GABRA2: variants seen among roughly 807,000 people sequenced by gnomAD.
The protein encoded by GABRA2 is gamma-aminobutyric acid type A receptor subunit alpha2, also known as gamma-aminobutyric acid receptor subunit alpha-2.
Under a neutral mutation model 48.7 loss-of-function variants are expected in GABRA2, and 16 were observed. The ratio of observed to expected loss-of-function variants is 0.33; its 90% confidence interval spans 0.22 to 0.50. GABRA2 has a LOEUF of 0.50. GABRA2 is among the 20% of genes least tolerant of loss of function. The pLI is 0.98. For synonymous variants in GABRA2, 185 were observed against 184.5 expected, an observed-to-expected ratio of 1.00 and a Z score of -0.02; for missense variants, 275 against 535.6, an observed-to-expected ratio of 0.51 and a Z score of 4.80.
chr4:46,314,683 T>TGA (rs1394963818), intron 4 of GABRA2, among the ~76,000 whole-genome samples: 1 of 152,086 alleles, frequency 6.6e-6, no homozygotes, highest in Non-Finnish European at 1.5e-5. Flanking sequence ...GTCATCTTTA[T>TGA]GTCCATGAGT....
chr4:46,305,881 T>A (rs964927724), intron 6 of GABRA2, among the ~76,000 whole-genome samples, 170 bp from the exon 7 acceptor site: 1 of 152,222 alleles, frequency 6.6e-6, no homozygotes, highest in Non-Finnish European at 1.5e-5. Flanking sequence ...ATATGAGAGT[T>A]ATGAAGTAGA....
intron 3 of GABRA2, among the ~76,000 whole-genome samples, chr4:46,333,083 C>A (rs2109815240): frequency 6.6e-6 from 1 of 152,136 alleles, no homozygotes; most frequent in East Asian, 1.9e-4. Context: ...ATTTCAGTAT[C>A]TCGTGATAGT....
chr4:46,389,344 C>A, intron 1 of GABRA2: 3 of 985,436 alleles, frequency 3.0e-6, no homozygotes, highest in Non-Finnish European at 3.6e-6. Context: ...TTAGAGGCAG[C>A]CGGGTTCCGA....
intron 4 of GABRA2, among the ~76,000 whole-genome samples, chr4:46,330,894 G>T (rs1053524693): frequency 6.6e-6 from 1 of 151,966 alleles, no homozygotes; most frequent in South Asian, 2.1e-4. Context: ...TCTGCACTGT[G>T]TCTCTAACAT....
chr4:46,284,182 C>T (rs1391592463), intron 8 of GABRA2, among the ~76,000 whole-genome samples: 2 of 151,548 alleles, frequency 1.3e-5, no homozygotes, highest in East Asian at 3.9e-4. Context: ...AGTGATTTTG[C>T]TTTAAATATA....
intron 4 of GABRA2, among the ~76,000 whole-genome samples, chr4:46,315,576 TGCAAAAAAACATA>T (rs1406940967): frequency 6.6e-6 from 1 of 151,934 alleles, no homozygotes; most frequent in African/African-American, 2.4e-5. Flanking sequence ...CTTGAACACC[TGCAAAAAAACATA>T]GCCAGCTCTC....
At chr4:46,296,943 G>C (rs1489906780) in intron 8 of GABRA2, among the ~76,000 whole-genome samples, 1 of 152,116 alleles carries the variant, frequency 6.6e-6, no homozygotes. Flanking sequence ...TTGGCATTTG[G>C]GTTGGGGATT....
chr4:46,271,845 A>T (rs1719395650), intron 8 of GABRA2, among the ~76,000 whole-genome samples: 1 of 151,846 alleles, frequency 6.6e-6, no homozygotes, highest in African/African-American at 2.4e-5. Context: ...AATTTAAATG[A>T]TGCCATTTTC....
intron 8 of GABRA2, among the ~76,000 whole-genome samples, chr4:46,276,359 C>T (rs762109897): frequency 6.6e-6 from 1 of 151,938 alleles, no homozygotes; most frequent in Non-Finnish European, 1.5e-5. Context: ...GACACCTGGG[C>T]AAGACTGAAT....
At chr4:46,284,041 GA>G (rs1248381343) in intron 8 of GABRA2, among the ~76,000 whole-genome samples, 2 of 147,622 alleles carry the variant, frequency 1.4e-5, no homozygotes, top group African/African-American at 5.0e-5. Context: ...CTACAGGCAT[GA>G]GCCACCAAGT....
chr4:46,290,614 C>T (rs893452882), intron 8 of GABRA2, among the ~76,000 whole-genome samples: 2 of 152,000 alleles, frequency 1.3e-5, no homozygotes, highest in Non-Finnish European at 2.9e-5. Flanking sequence ...GTGCATTGAT[C>T]TTGCATTCTA....
intron 8 of GABRA2, among the ~76,000 whole-genome samples, chr4:46,299,388 T>C (rs904282088): frequency 6.6e-6 from 1 of 151,770 alleles, no homozygotes; most frequent in Non-Finnish European, 1.5e-5. Context: ...AATTTTCCCA[T>C]CAAATGTGGT....
intron 3 of GABRA2, among the ~76,000 whole-genome samples, chr4:46,371,556 T>C (rs902661156): frequency 2.8e-4 from 42 of 152,010 alleles, no homozygotes; most frequent in Middle Eastern, 3.4e-3. Context: ...TTATTACAGA[T>C]TAGTTTTAAT....
chr4:46,310,056 T>C (rs1356842608), intron 6 of GABRA2, 117 bp downstream of exon 6: 1 of 674,058 alleles, frequency 1.5e-6, no homozygotes, highest in Non-Finnish European at 2.7e-6. Flanking sequence ...CTTCCAAGTC[T>C]TATTGACAAT....
rs1717822452 is a variant in GABRA2 at position 46,388,752 on chromosome 4, T to C, written c.-10-36A>G. ...CCATGGAATGAAAAACAAAATACAC[T>C]TAAAATTGCCTTCAGTTTCACTATC... is the stretch of plus-strand genomic sequence containing the variant. On this transcript the variant is annotated intron_variant, in intron 1 of 9. Transcript: ENST00000381620. 4 of 1,612,446 alleles carry C rather than the reference T, an allele frequency of 2.5e-6. No homozygotes were observed. The African/African-American group carries it at 4.0e-5, about 16-fold the overall frequency.
At chr4:46,296,610 G>T (rs1724734775) in intron 8 of GABRA2, among the ~76,000 whole-genome samples, 1 of 144,272 alleles carries the variant, frequency 6.9e-6, no homozygotes, top group African/African-American at 2.5e-5. Flanking sequence ...GACTACAAAT[G>T]GCCCAGCCAC....
chr4:46,349,742 T>C (rs1182671295), intron 3 of GABRA2, among the ~76,000 whole-genome samples: 1 of 151,962 alleles, frequency 6.6e-6, no homozygotes, highest in African/African-American at 2.4e-5. Context: ...GATATTCTAA[T>C]TTGGTGATAG....
intron 3 of GABRA2, among the ~76,000 whole-genome samples, chr4:46,376,093 C>T (rs940640587): frequency 6.6e-6 from 1 of 152,232 alleles, no homozygotes; most frequent in Middle Eastern, 3.2e-3. Context: ...ACCAACACCA[C>T]ACCTTGTACG....
intron 8 of GABRA2, among the ~76,000 whole-genome samples, chr4:46,271,292 G>T (rs2109401925): frequency 6.6e-6 from 1 of 151,998 alleles, no homozygotes; most frequent in Admixed American, 6.6e-5. Context: ...GATAAAAATT[G>T]AAAGGACAGA....
Sources: allele counts gnomAD v4.1 joint callset (sites outside exome capture counted in the v4.1 genomes callset), GRCh38; gene constraint gnomAD v4.1.1; transcripts MANE v1.5; gene names NCBI Gene and HGNC (gene_info 2026-07-23, HGNC 2026-07-21).